CPA3: variants seen among roughly 807,000 people sequenced by gnomAD.
CPA3 encodes mast cell carboxypeptidase A.
In CPA3, 52 loss-of-function variants were observed where a neutral mutation model predicts 55.8. That is an observed-to-expected ratio of 0.93 (90% CI 0.75 to 1.17). The LOEUF (loss-of-function observed/expected upper bound fraction) is 1.17, where lower values mean the gene tolerates loss of function less well. Among genes scored for constraint, CPA3 ranks in the 50% most tolerant of loss-of-function variants. The probability of loss-of-function intolerance (pLI) is 0.00; values close to 1 mark genes in which losing one functional copy is unlikely to be tolerated. For synonymous variants in CPA3, 179 were observed against 171.2 expected, an observed-to-expected ratio of 1.05 and a Z score of -0.36; for missense variants, 547 against 509.1, an observed-to-expected ratio of 1.07 and a Z score of -0.72.
chr3:148,896,058 G>A (rs192952248), intron 10 of CPA3, among the ~76,000 whole-genome samples: 1 of 152,112 alleles, frequency 6.6e-6, no homozygotes, highest in African/African-American at 2.4e-5. Flanking sequence ...CATTTTCTTG[G>A]TCTTTTGACT....
At chr3:148,870,150 A>T (rs1714025330) in intron 3 of CPA3, 1 of 151,396 alleles carries the variant, frequency 6.6e-6, no homozygotes, top group South Asian at 2.1e-4. Flanking sequence ...AACATTTCAT[A>T]GTTTGATGTA....
At chr3:148,873,540 C>G (rs553624063) in intron 3 of CPA3, among the ~76,000 whole-genome samples, 14 of 152,304 alleles carry the variant, frequency 9.2e-5, no homozygotes, top group African/African-American at 3.4e-4. Flanking sequence ...CTTACTTGCT[C>G]CCTGACCTTG....
intron 3 of CPA3, among the ~76,000 whole-genome samples, chr3:148,877,443 G>A (rs904056904): frequency 2.0e-5 from 3 of 150,742 alleles, no homozygotes; most frequent in African/African-American, 4.9e-5. Flanking sequence ...GTGGTGAGCC[G>A]AGATCACACC....
chr3:148,885,247 T>A (rs912637958), intron 9 of CPA3, among the ~76,000 whole-genome samples: 6 of 151,800 alleles, frequency 4.0e-5, no homozygotes, highest in Non-Finnish European at 7.4e-5. Flanking sequence ...ATGGAGAAAC[T>A]GTCAGAAGAG....
intron 5 of CPA3, among the ~76,000 whole-genome samples, 190 bp downstream of exon 5, chr3:148,878,938 TA>T (rs1714286603): frequency 6.6e-6 from 1 of 152,222 alleles, no homozygotes; most frequent in African/African-American, 2.4e-5. Flanking sequence ...AGTGTCTGGA[TA>T]AACATTTGTC....
Position 148,865,501 on chromosome 3 carries a change from G to C in CPA3, c.97G>C (p.Asp33His). ...GAAGGTGTTCCGCGTGAAGCCCCAG[G>C]ATGAAAAACAAGCAGACATCATAAA... ...REKVFRVKPQDEKQADIIKDL... is the reference protein window; with the variant it reads ...REKVFRVKPQHEKQADIIKDL... The change falls in exon 2 of 11, where the codon GAT (aspartate) becomes CAT (histidine). Residue 33 changes from aspartate to histidine, a missense_variant. Asp to His is a moderately conservative substitution (Grantham distance 81). Transcript: ENST00000296046. The C allele has an allele frequency of 1.9e-6, 3 of 1,613,928 alleles. No individual in the cohort carries two copies. The highest frequency in any genetic ancestry group is 1.7e-6 in the Non-Finnish European group (2 of 1,179,950).
intron 8 of CPA3, among the ~76,000 whole-genome samples, chr3:148,883,066 C>T (rs1361101345): frequency 6.6e-6 from 1 of 152,204 alleles, no homozygotes; most frequent in East Asian, 1.9e-4. Flanking sequence ...TGCTATACAA[C>T]TATGACTTCA....
intron 10 of CPA3, among the ~76,000 whole-genome samples, chr3:148,892,908 T>C (rs901182046): frequency 1.3e-5 from 2 of 148,950 alleles, no homozygotes; most frequent in African/African-American, 2.4e-5. Flanking sequence ...TGAGCCAAGA[T>C]TGTGTCATTG....
intron 2 of CPA3, among the ~76,000 whole-genome samples, chr3:148,868,479 A>C (rs1294221962): frequency 6.6e-6 from 1 of 152,152 alleles, no homozygotes; most frequent in Non-Finnish European, 1.5e-5. Context: ...TGTTTGATAC[A>C]ATATCTTGTA....
chr3:148,879,725 G>A (rs963459626), intron 5 of CPA3, 63 bp from the exon 6 acceptor site: 19 of 1,061,100 alleles, frequency 1.8e-5, no homozygotes, highest in Non-Finnish European at 2.6e-5. Flanking sequence ...ATGAGTTATT[G>A]GTCAACAAGG....
chr3:148,888,469 C>T (rs901658366), intron 10 of CPA3, among the ~76,000 whole-genome samples: 12 of 152,210 alleles, frequency 7.9e-5, no homozygotes, highest in Non-Finnish European at 7.3e-5. Context: ...ATTACACATA[C>T]AGGTGGATGA....
At chr3:148,878,337 A>T (rs371556836) in intron 3 of CPA3, 104 bp from the exon 4 acceptor site, 14 of 835,398 alleles carry the variant, frequency 1.7e-5, no homozygotes, top group Middle Eastern at 3.5e-4. Context: ...AGCAAACTTG[A>T]TTAAAGATAA....
intron 10 of CPA3, among the ~76,000 whole-genome samples, chr3:148,893,333 C>T (rs1413151753): frequency 6.7e-6 from 1 of 148,628 alleles, no homozygotes; most frequent in Non-Finnish European, 1.5e-5. Context: ...ATATAAGATA[C>T]AAAAAGGAAC....
At chr3:148,874,069 G>A (rs1438170699) in intron 3 of CPA3, among the ~76,000 whole-genome samples, 1 of 152,022 alleles carries the variant, frequency 6.6e-6, no homozygotes, top group Non-Finnish European at 1.5e-5. Flanking sequence ...ATAACATCTG[G>A]CCCCAGTTCT....
chr3:148,865,684 C>A, intron 2 of CPA3, 136 bp downstream of exon 2: 1 of 787,304 alleles, frequency 1.3e-6, no homozygotes, highest in Non-Finnish European at 2.0e-6. Flanking sequence ...CTGGATAATT[C>A]AGCCAATGGC....
At chr3:148,888,801 A>G (rs1714598049) in intron 10 of CPA3, among the ~76,000 whole-genome samples, 1 of 152,250 alleles carries the variant, frequency 6.6e-6, no homozygotes, top group South Asian at 2.1e-4. Flanking sequence ...AGAGCTGTGC[A>G]TAGCATTGCA....
At chr3:148,890,607 C>T (rs1431075729) in intron 10 of CPA3, among the ~76,000 whole-genome samples, 3 of 152,162 alleles carry the variant, frequency 2.0e-5, no homozygotes, top group Admixed American at 6.5e-5. Flanking sequence ...AGTGTATGCC[C>T]ATGTATCTCT....
At chr3:148,865,396 T>C (rs757971830) in intron 1 of CPA3, 21 bp downstream of exon 1, 1 of 1,613,948 alleles carries the variant, frequency 6.2e-7, no homozygotes, top group Admixed American at 1.7e-5. Context: ...CTTCCTGTGT[T>C]CCAGTCTCTG....
intron 9 of CPA3, among the ~76,000 whole-genome samples, chr3:148,884,682 T>G (rs1366328599): frequency 1.3e-5 from 2 of 152,138 alleles, no homozygotes; most frequent in African/African-American, 4.8e-5. Flanking sequence ...AATCAGTCAT[T>G]AAAATCATCT....
Sources: gnomAD v4.1 joint callset for allele counts (sites outside exome capture counted in the v4.1 genomes callset) on GRCh38, gnomAD v4.1.1 for gene constraint, MANE v1.5 for transcripts, NCBI Gene and HGNC (gene_info 2026-07-23, HGNC 2026-07-21) for gene names.